Variants in ALDH16A1 observed in about 807,000 individuals in gnomAD.
The protein encoded by ALDH16A1 is aldehyde dehydrogenase 16 family member A1, also known as aldehyde dehydrogenase family 16 member A1.
ALDH16A1 carries 88 observed loss-of-function variants against 96.1 expected under a neutral mutation model. The observed-to-expected ratio is 0.92, with a 90% CI of 0.77 to 1.09. ALDH16A1 has a LOEUF of 1.09. ALDH16A1 is among the 50% of genes least tolerant of loss of function. The pLI is 0.00. For synonymous variants in ALDH16A1, 522 were observed against 496.4 expected (o/e 1.05, Z -0.69); for missense variants, 1,250 against 1,112.6 (o/e 1.12, Z -1.76).
In ALDH16A1 at chr19:49,461,679, T is replaced by C; in HGVS notation, c.638T>C (p.Leu213Pro). 6.2e-7 allele frequency: 1 copy of C among 1,607,934 alleles called. No homozygotes were observed. The highest frequency in any genetic ancestry group is 8.5e-7 in the Non-Finnish European group (1 of 1,177,504). ...CCGGCGCCCCTCCTCCTGGCCCAGC[T>C]GGCGGGGGAGCTGGGCCCCTTCCCG... ...ASPAPLLLAQ[L>P]AGELGPFPGI... is the part of the protein sequence containing the mutation. The change falls in exon 6 of 17, where the codon CTG becomes CCG. Residue 213 changes from leucine to proline, a missense_variant. Transcript: ENST00000293350.
chr19:49,453,443 G>A (rs781449059), intron 1 of ALDH16A1, 22 bp downstream of exon 1: 3 of 1,511,272 alleles, frequency 2.0e-6, no homozygotes, highest in African/African-American at 1.4e-5. Flanking sequence ...CCCGGCCGGC[G>A]CTGCTCGCTG....
At position 49,470,584 on chromosome 19, in the gene ALDH16A1, A is replaced by C; in HGVS notation, c.*117A>C. ...TGTCTCCCAATAAACTCTCTGACCA[A>C]CCCTAGCTGTGCTTCTGCGAGAAGA... is the stretch of plus-strand genomic sequence containing the variant. On this transcript the variant is annotated 3_prime_UTR_variant, in exon 17 of 17. Coordinates refer to ENST00000293350, the MANE Select transcript of ALDH16A1 (RefSeq NM_153329.4). The C allele has an allele frequency of 8.7e-7, 1 of 1,153,974 alleles. No individual in the cohort carries two copies. The highest frequency in any genetic ancestry group is 2.2e-5 in the South Asian group (1 of 45,660). The allele number at this position is 1,153,974 out of a possible 1,614,324, so 71.5% of individuals were successfully genotyped here. A position where few individuals can be genotyped will look rare whatever the true frequency, so the allele number is the denominator to read the frequency against.
chr19:49,470,035 C>T (rs1675869679), intron 16 of ALDH16A1: 1 of 405,576 alleles, frequency 2.5e-6, no homozygotes, highest in South Asian at 3.3e-5. Context: ...CTTAAACCTC[C>T]TGTTGGTAAC....
In ALDH16A1 at chr19:49,461,954, C is replaced by A; in HGVS notation, c.830C>A (p.Ser277Ter). ...CTGGGCCTGGCGCTGGGGACGGAGT[C>A]GCTGCTGCTGCTGACGGACACGGCG... is the stretch of plus-strand genomic sequence containing the variant. ...AELGLALGTE[S>*]LLLLTDTADV... The change falls in exon 7 of 17, where the codon TCG becomes TAG. Residue 277 changes from serine (S) to a stop codon, truncating the protein, a stop_gained. Transcript: ENST00000293350. LOFTEE classifies it high-confidence loss of function. The A allele has an allele frequency of 6.4e-7, 1 of 1,568,244 alleles. No individual in the cohort carries two copies. The highest frequency in any genetic ancestry group is 1.2e-5 in the South Asian group (1 of 86,186).
rs1020277071 is a variant in ALDH16A1 at position 49,466,162 on chromosome 19, T to C, written c.1817T>C (p.Leu606Pro). The part of the protein sequence containing the change: ...AAALERRKST[L>P]ASRLERQGAE... Reference sequence around the variant, plus strand: ...GCACTGGAGCGCCGGAAGTCTACCCTGGCCTCGAGGCTGGAGAGGCAGGGA... The same window carrying C: ...GCACTGGAGCGCCGGAAGTCTACCCCGGCCTCGAGGCTGGAGAGGCAGGGA... Residue 606 changes from leucine (L) to proline (P), a missense_variant, in exon 14 of 17, where the codon CTG (leucine) becomes CCG (proline). Coordinates refer to ENST00000293350, the MANE Select transcript of ALDH16A1 (RefSeq NM_153329.4). 6.4e-7 allele frequency: 1 copy of C among 1,559,846 alleles called. No individual in the cohort carries two copies. Among genetic ancestry groups the C allele is most frequent in the East Asian group, 2.3e-5 (1 of 42,772 alleles).
rs769845538 is a variant in ALDH16A1 at position 49,464,701 on chromosome 19, T to C, written c.1507T>C (p.Tyr503His). ...RLSCLSKNLNYDTFGLAVPST... is the reference protein window; with the variant it reads ...RLSCLSKNLNHDTFGLAVPST... ...GTCCTGCCTCTCCAAGAACCTGAACTATGACACCTTTGGCCTCGCTGTTCC... is the reference window on the plus strand; with the variant it reads ...GTCCTGCCTCTCCAAGAACCTGAACCATGACACCTTTGGCCTCGCTGTTCC... Residue 503 changes from tyrosine to histidine, a missense_variant, in exon 12 of 17, where the codon TAT (tyrosine) becomes CAT (histidine). Transcript: ENST00000293350. The C allele has an allele frequency of 3.1e-6, 5 of 1,613,572 alleles. No individual in the cohort carries two copies. The Admixed American group carries it at 8.3e-5, about 27-fold the overall frequency.
At position 49,459,112 on chromosome 19, in the gene ALDH16A1, G is replaced by C; in HGVS notation, c.320+26G>C. 1 of 1,596,530 alleles carries C rather than the reference G, an allele frequency of 6.3e-7. No individual in the cohort carries two copies. The highest frequency in any genetic ancestry group is 8.6e-7 in the Non-Finnish European group (1 of 1,168,498). ...GTGATGCAGCTGAGGTGTGGACCCC[G>C]GGAGGCGGGGAACCCCAGCATCCAC... On this transcript the variant is annotated intron_variant, in intron 3 of 16. Coordinates refer to ENST00000293350, the MANE Select transcript of ALDH16A1 (RefSeq NM_153329.4). The surrounding 1 kb of genome is among the most constrained non-coding windows in gnomAD (Gnocchi z 4.1).
chr19:49,470,305 G>T lies in ALDH16A1; in HGVS notation c.2248-1G>T. On this transcript the variant is annotated splice_acceptor_variant, in intron 16 of 16. Coordinates refer to ENST00000293350, the MANE Select transcript of ALDH16A1 (RefSeq NM_153329.4). LOFTEE classifies it high-confidence loss of function. ...TTACCCCCGTCTCTTCCTCCCCTCA[G>T]GGTTCCCAGTTTGTCGAGTGGGCCT... The T allele has an allele frequency of 6.2e-7, 1 of 1,613,358 alleles. No individual in the cohort carries two copies. Among genetic ancestry groups the T allele is most frequent in the Non-Finnish European group, 8.5e-7 (1 of 1,179,752 alleles).
intron 5 of ALDH16A1, 57 bp downstream of exon 5, chr19:49,460,956 G>A: frequency 1.3e-6 from 2 of 1,555,148 alleles, no homozygotes; most frequent in Non-Finnish European, 1.8e-6. Context: ...GGGGATCGTG[G>A]GGCCCAAACT....
At chr19:49,461,179 T>TG (rs1478935887) in intron 5 of ALDH16A1, among the ~76,000 whole-genome samples, 2 of 116,088 alleles carry the variant, frequency 1.7e-5, no homozygotes, top group African/African-American at 3.8e-5. Flanking sequence ...GAGGAGGGGC[T>TG]GGGGTCTGGA....
chr19:49,454,020 G>GTTTTTTTTTTT (rs3032838), intron 1 of ALDH16A1, among the ~76,000 whole-genome samples: 6 of 68,252 alleles, frequency 8.8e-5, no homozygotes, highest in East Asian at 2.6e-4. Context: ...TTTGGGTTGG[G>GTTTTTTTTTTT]TTTTTTTTTT....
In ALDH16A1 at chr19:49,459,725, G is replaced by C; in HGVS notation, c.376G>C (p.Val126Leu). 6.2e-7 allele frequency: 1 copy of C among 1,613,548 alleles called. No individual in the cohort carries two copies. The highest frequency in any genetic ancestry group is 1.1e-5 in the South Asian group (1 of 91,040). ...QRLLWTLESL[V>L]TGRAVREVRD... ...GCTGCTGTGGACCCTGGAATCCCTG[G>C]TGACTGGGCGGGCTGTTCGAGAGGT... Residue 126 changes from valine (V) to leucine (L), a missense_variant, in exon 4 of 17, where the codon GTG (valine) becomes CTG (leucine). By Grantham distance (32) the Val-to-Leu change is conservative. Coordinates refer to ENST00000293350, the MANE Select transcript of ALDH16A1 (RefSeq NM_153329.4). The surrounding 1 kb of genome is among the most constrained non-coding windows in gnomAD (Gnocchi z 4.1).
chr19:49,457,410 T>C (rs2079111114), intron 1 of ALDH16A1, among the ~76,000 whole-genome samples: 1 of 151,120 alleles, frequency 6.6e-6, no homozygotes, highest in Admixed American at 6.6e-5. Context: ...TAGCCAGGCG[T>C]GGTGGCAGGC....
At position 49,462,002 on chromosome 19, in the gene ALDH16A1, G is replaced by C; in HGVS notation, c.878G>C (p.Gly293Ala). ...DTADVDSAVE[G>A]VVDAAWSDRG... ...GCGGACGTAGACTCGGCCGTGGAGG[G>C]TGTCGTGGACGCCGCCTGGTCCGAC... is the stretch of plus-strand genomic sequence containing the variant. Residue 293 changes from glycine (G) to alanine (A), a missense_variant, in exon 7 of 17, where the codon GGT (glycine) becomes GCT (alanine). Coordinates refer to ENST00000293350, the MANE Select transcript of ALDH16A1 (RefSeq NM_153329.4). 6.5e-7 allele frequency: 1 copy of C among 1,546,230 alleles called. No homozygotes were observed. Among genetic ancestry groups the C allele is most frequent in the East Asian group, 2.4e-5 (1 of 41,190 alleles).
At chr19:49,462,341 G>T (rs968657488) in intron 7 of ALDH16A1, among the ~76,000 whole-genome samples, 2 of 152,052 alleles carry the variant, frequency 1.3e-5, no homozygotes, top group Non-Finnish European at 2.9e-5. Context: ...CACCATGTTG[G>T]CCAGGCTGGT....
At position 49,464,112 on chromosome 19, in the gene ALDH16A1, G is replaced by A. The variant is rs370010620; in HGVS notation, c.1195-15G>A. The stretch of plus-strand genomic sequence containing the variant: ...TGGGCCCTGGAGGGCTGAGCCTCCC[G>A]GTCACCCCTTGCAGGTGCCGTGGCC... On this transcript the variant is annotated splice_polypyrimidine_tract_variant and intron_variant, in intron 9 of 16. Transcript: ENST00000293350. 8.4e-5 allele frequency: 135 copies of A among 1,603,248 alleles called. No individual in the cohort carries two copies. Among genetic ancestry groups the A allele is most frequent in the Non-Finnish European group, 9.9e-5 (116 of 1,175,944 alleles).
At position 49,468,080 on chromosome 19, in the gene ALDH16A1, A is replaced by G. The variant is rs1003360952; in HGVS notation, c.1939-301A>G. Among the ~76,000 whole-genome samples the G allele has an allele frequency of 7.3e-5, 11 of 151,430 alleles. No individual in the cohort carries two copies. Among genetic ancestry groups the G allele is most frequent in the Non-Finnish European group, 1.5e-4 (10 of 67,866 alleles). On this transcript the variant is annotated intron_variant, in intron 14 of 16. Transcript: ENST00000293350. The surrounding 1 kb of genome is among the most constrained non-coding windows in gnomAD (Gnocchi z 4.4). ...GAGACTGAGGCAGGAGAATGGCGTG[A>G]ACCCGGGAGGCGGAGGTTGCAGTGA...
chr19:49,454,213 A>G (rs894024180), intron 1 of ALDH16A1, among the ~76,000 whole-genome samples: 13 of 151,988 alleles, frequency 8.6e-5, no homozygotes, highest in East Asian at 1.9e-4. Flanking sequence ...TCTAGAGACA[A>G]GGTTTCAGCA....
intron 4 of ALDH16A1, among the ~76,000 whole-genome samples, chr19:49,460,099 A>G (rs576666000): frequency 6.6e-6 from 1 of 151,636 alleles, no homozygotes; most frequent in African/African-American, 2.4e-5. Context: ...TTATTAGAGA[A>G]GAGGGGTCTC....
Sources: allele counts gnomAD v4.1 joint callset (sites outside exome capture counted in the v4.1 genomes callset), GRCh38; gene constraint gnomAD v4.1.1; non-coding constraint Gnocchi (gnomAD v3.1); transcripts MANE v1.5; gene names NCBI Gene and HGNC (gene_info 2026-07-23, HGNC 2026-07-21).